ATP10B: variants seen among roughly 807,000 people sequenced by gnomAD.
ATP10B encodes ATPase phospholipid transporting 10B (putative).
Under a neutral mutation model 141.2 loss-of-function variants are expected in ATP10B, and 122 were observed. The observed-to-expected ratio is 0.86, with a 90% CI of 0.75 to 1.00. ATP10B has a LOEUF of 1.00. Among genes scored for constraint, ATP10B ranks in the 50% least tolerant of loss-of-function variants. The pLI is 0.00. For missense variants in ATP10B, 1,876 were observed against 1,825.3 expected, an observed-to-expected ratio of 1.03 and a Z score of -0.51; for synonymous variants, 685 against 692.0, an observed-to-expected ratio of 0.99 and a Z score of 0.16.
the ATP10B span, among the ~76,000 whole-genome samples, chr5:160,926,215 A>G: frequency 6.6e-6 from 1 of 152,228 alleles, no homozygotes; most frequent in African/African-American, 2.4e-5. Flanking sequence ...AATTCTCAGT[A>G]AAAGTTCACT....
At chr5:160,579,900 C>T (rs1026807109) in intron 24 of ATP10B, among the ~76,000 whole-genome samples, 2 of 152,102 alleles carry the variant, frequency 1.3e-5, no homozygotes, top group Non-Finnish European at 2.9e-5. Context: ...TAGCTGTATT[C>T]CTAGGTATTT....
intron 1 of ATP10B, among the ~76,000 whole-genome samples, chr5:160,810,004 T>C (rs959317106): frequency 6.6e-6 from 1 of 152,194 alleles, no homozygotes; most frequent in Non-Finnish European, 1.5e-5. Flanking sequence ...GCTTTCAAAA[T>C]TGTTGACCTG....
intron 3 of ATP10B, among the ~76,000 whole-genome samples, chr5:160,715,867 C>T (rs576053706): frequency 6.6e-6 from 1 of 151,962 alleles, no homozygotes; most frequent in Admixed American, 6.6e-5. Context: ...CCTACCACTA[C>T]GCCTGGCTAA....
At chr5:160,793,425 C>G (rs929295222) in intron 1 of ATP10B, among the ~76,000 whole-genome samples, 13 of 152,222 alleles carry the variant, frequency 8.5e-5, no homozygotes, top group Admixed American at 1.3e-4. Flanking sequence ...GACCAACACT[C>G]TTCAACAATT....
At position 160,615,948 on chromosome 5, in the gene ATP10B, T is replaced by G. The variant is rs1247491859; in HGVS notation, c.2543A>C (p.Asp848Ala). Reference protein sequence around the residue: ...CIAKKVVSEEDFRRWASFRRE... With the variant: ...CIAKKVVSEEAFRRWASFRRE... ...CCGGAAACTGGCCCATCTCCGGAAG[T>G]CCTCTTCGCTTACAACCTATGGGAT... The change falls in exon 17 of 26, where the codon GAC becomes GCC. Residue 848 changes from aspartate (D) to alanine (A), a missense_variant. Physicochemically the swap from Asp to Ala is moderately radical, Grantham distance 126. Coordinates refer to ENST00000327245, the MANE Select transcript of ATP10B (RefSeq NM_025153.3). 1 of 1,613,832 alleles carries G rather than the reference T, an allele frequency of 6.2e-7. No individual in the cohort carries two copies. The highest frequency in any genetic ancestry group is 2.2e-5 in the East Asian group (1 of 44,858).
At chr5:160,571,578 GTTCA>G (rs1393626311) in intron 24 of ATP10B, among the ~76,000 whole-genome samples, 6 of 152,068 alleles carry the variant, frequency 3.9e-5, no homozygotes, top group African/African-American at 1.4e-4. Context: ...CTTTTATGAG[GTTCA>G]TTATTTTTGA....
chr5:160,596,864 C>G (rs1430326007), intron 22 of ATP10B, among the ~76,000 whole-genome samples: 1 of 152,154 alleles, frequency 6.6e-6, no homozygotes, highest in Non-Finnish European at 1.5e-5. Context: ...TCAAAGAGAA[C>G]TACAAACCAC....
At chr5:160,672,327 A>G (rs984507024) in intron 6 of ATP10B, among the ~76,000 whole-genome samples, 6 of 152,130 alleles carry the variant, frequency 3.9e-5, no homozygotes, top group Non-Finnish European at 8.8e-5. Flanking sequence ...CTTCTGCCTA[A>G]CCAAATATTT....
chr5:160,693,506 T>C (rs1960744), intron 3 of ATP10B, among the ~76,000 whole-genome samples: 1 of 149,398 alleles, frequency 6.7e-6, no homozygotes, highest in Non-Finnish European at 1.5e-5. Context: ...TTATTTAAAG[T>C]TACCTGAAGA....
In ATP10B at chr5:160,760,594, T is replaced by G. The variant is rs557413538; in HGVS notation, c.-331+24965A>C. Among the ~76,000 whole-genome samples the G allele has an allele frequency of 2.2e-4, 33 of 152,348 alleles. No homozygotes were observed. In the South Asian group the frequency reaches 6.8e-3, roughly 32 times the overall value. ...AAAATAAAAAATAAAACCAATCAAC[T>G]ACTTTCACCCTCACCATGGTTTTGT... On this transcript the variant is annotated intron_variant, in intron 2 of 25. Transcript: ENST00000327245.
intron 7 of ATP10B, among the ~76,000 whole-genome samples, chr5:160,656,165 T>C (rs1047495532): frequency 3.3e-5 from 5 of 152,240 alleles, no homozygotes; most frequent in Admixed American, 6.5e-5. Context: ...TAAATAAATA[T>C]ATGAATGATC....
chr5:160,915,483 CA>C, the ATP10B span, among the ~76,000 whole-genome samples: 8 of 152,096 alleles, frequency 5.3e-5, no homozygotes, highest in African/African-American at 1.9e-4. Flanking sequence ...AGGCGCCTGC[CA>C]CCACACCCAC....
intron 14 of ATP10B, among the ~76,000 whole-genome samples, chr5:160,621,856 TAC>T (rs1159409883): frequency 3.9e-5 from 6 of 152,198 alleles, no homozygotes; most frequent in Non-Finnish European, 8.8e-5. Context: ...GGAAGAACAT[TAC>T]ACACAGTATT....
At chr5:160,831,269 T>C (rs4921345) in intron 1 of ATP10B, among the ~76,000 whole-genome samples, 145,845 of 152,114 alleles carry the variant, frequency 0.96, 70,196 homozygotes, top group East Asian at 1. Context: ...TCTTAATTAA[T>C]GGTGACTCTA....
the ATP10B span, among the ~76,000 whole-genome samples, chr5:160,901,655 A>G: frequency 6.6e-6 from 1 of 152,222 alleles, no homozygotes; most frequent in South Asian, 2.1e-4. Context: ...GGTGGTCAGG[A>G]AAGGCCTTAC....
At chr5:160,818,552 G>C (rs1773861785) in intron 1 of ATP10B, among the ~76,000 whole-genome samples, 1 of 152,216 alleles carries the variant, frequency 6.6e-6, no homozygotes, top group African/African-American at 2.4e-5. Context: ...CTGTTGGTGG[G>C]ACTGTAAACT....
At chr5:160,897,073 C>A in the ATP10B span, among the ~76,000 whole-genome samples, 1 of 152,154 alleles carries the variant, frequency 6.6e-6, no homozygotes, top group Admixed American at 6.5e-5. Flanking sequence ...ATGACAAACC[C>A]ACAGCCAATA....
the ATP10B span, among the ~76,000 whole-genome samples, chr5:160,897,202 G>T: frequency 3.9e-5 from 6 of 152,144 alleles, no homozygotes; most frequent in African/African-American, 9.7e-5. Context: ...GGGCAATCAG[G>T]CATGAGAAAG....
At chr5:160,653,609 ATATACATATATATTATATATACAT>A (rs1761136190) in intron 7 of ATP10B, among the ~76,000 whole-genome samples, 1 of 32,150 alleles carries the variant, frequency 3.1e-5, no homozygotes, top group Non-Finnish European at 8.8e-5. Flanking sequence ...ATATATACAT[ATATACATATATATTATATATACAT>A]ATATACATAT....
Sources: gnomAD v4.1 joint callset for allele counts (sites outside exome capture counted in the v4.1 genomes callset) on GRCh38, gnomAD v4.1.1 for gene constraint, MANE v1.5 for transcripts, NCBI Gene and HGNC (gene_info 2026-07-23, HGNC 2026-07-21) for gene names.